Variants in FAM135B observed in about 807,000 individuals in gnomAD.
FAM135B encodes the protein family with sequence similarity 135 member B.
In FAM135B, 43 loss-of-function variants were observed where a neutral mutation model predicts 127.7. The observed-to-expected ratio is 0.34, with a 90% CI of 0.26 to 0.43. The LOEUF (loss-of-function observed/expected upper bound fraction) is 0.43, where lower values mean the gene tolerates loss of function less well. FAM135B is among the 20% of genes least tolerant of loss of function. The pLI is 1.00. For synonymous variants in FAM135B, 670 were observed against 665.1 expected (o/e 1.01, Z -0.11); for missense variants, 1,558 against 1,725.6 (o/e 0.90, Z 1.72).
intron 9 of FAM135B, 86 bp from the exon 10 acceptor site, chr8:138,178,776 T>C: frequency 1.6e-6 from 2 of 1,227,260 alleles, no homozygotes. Flanking sequence ...TACTGACTTT[T>C]CTGTTTTCAA....
intron 2 of FAM135B, among the ~76,000 whole-genome samples, chr8:138,327,472 G>C (rs1827872783): frequency 6.6e-6 from 1 of 152,144 alleles, no homozygotes; most frequent in African/African-American, 2.4e-5. Flanking sequence ...ATACATAATG[G>C]CTACCCACTG....
At chr8:138,408,729 A>G (rs568273492) in intron 1 of FAM135B, among the ~76,000 whole-genome samples, 33 of 152,246 alleles carry the variant, frequency 2.2e-4, no homozygotes, top group South Asian at 2.1e-3. Flanking sequence ...GGGAACTGCC[A>G]CTTTTAAACC....
intron 1 of FAM135B, among the ~76,000 whole-genome samples, chr8:138,426,934 C>G (rs968427265): frequency 1.3e-5 from 2 of 151,950 alleles, no homozygotes; most frequent in Admixed American, 1.3e-4. Flanking sequence ...ATGAAGTTTT[C>G]TGAACCTTGA....
At chr8:138,177,106 T>C (rs1394392716) in intron 11 of FAM135B, among the ~76,000 whole-genome samples, 1 of 152,164 alleles carries the variant, frequency 6.6e-6, no homozygotes, top group East Asian at 1.9e-4. Context: ...CTTGATTCTG[T>C]CTACAAAACC....
At chr8:138,317,571 A>G (rs915485826) in intron 2 of FAM135B, among the ~76,000 whole-genome samples, 2 of 152,232 alleles carry the variant, frequency 1.3e-5, no homozygotes, top group African/African-American at 4.8e-5. Context: ...TGATTCTACA[A>G]CTAACTCAAA....
At position 138,409,616 on chromosome 8, in the gene FAM135B, C is replaced by T. The variant is rs541322000; in HGVS notation, c.-19-41614G>A. 9.2e-5 allele frequency among the ~76,000 whole-genome samples: 14 copies of T among 152,198 alleles called. No individual in the cohort carries two copies. In the South Asian group the frequency reaches 2.3e-3, roughly 25 times the overall value. On this transcript the variant is annotated intron_variant, in intron 1 of 19. Coordinates refer to ENST00000395297, the MANE Select transcript of FAM135B (RefSeq NM_015912.4). ...GCAGACTGGGCATGTTGGCTCATGC[C>T]TGTAATCCCAGCACTTTGGGAGGCC...
intron 1 of FAM135B, among the ~76,000 whole-genome samples, chr8:138,397,847 CTT>C: frequency 6.6e-6 from 1 of 152,142 alleles, no homozygotes; most frequent in Admixed American, 6.5e-5. Context: ...CCATCCCTTC[CTT>C]GCCCAGGGCA....
chr8:138,178,919 A>G (rs1563734835), intron 9 of FAM135B, among the ~76,000 whole-genome samples: 1 of 152,174 alleles, frequency 6.6e-6, no homozygotes, highest in Non-Finnish European at 1.5e-5. Flanking sequence ...GGTAGTTCCT[A>G]TCTATAGAAA....
chr8:138,350,228 C>T (rs1376513509), intron 2 of FAM135B, among the ~76,000 whole-genome samples: 2 of 152,164 alleles, frequency 1.3e-5, no homozygotes, highest in Admixed American at 1.3e-4. Context: ...GAATATGTTA[C>T]ATGAAGTGCT....
intron 2 of FAM135B, among the ~76,000 whole-genome samples, chr8:138,339,575 C>T (rs1387332152): frequency 6.6e-6 from 1 of 151,996 alleles, no homozygotes; most frequent in Admixed American, 6.6e-5. Flanking sequence ...ATTGGGGAGG[C>T]TAGAAAACTG....
At chr8:138,324,788 G>A (rs1827688366) in intron 2 of FAM135B, among the ~76,000 whole-genome samples, 1 of 152,180 alleles carries the variant, frequency 6.6e-6, no homozygotes. Flanking sequence ...AATCTGATTT[G>A]TGAGTGTGTG....
intron 1 of FAM135B, among the ~76,000 whole-genome samples, chr8:138,385,079 C>T (rs1468998597): frequency 6.6e-6 from 1 of 152,166 alleles, no homozygotes; most frequent in Admixed American, 6.5e-5. Context: ...CTTACTGCTC[C>T]TCACTCCGTT....
intron 3 of FAM135B, among the ~76,000 whole-genome samples, chr8:138,271,994 T>G (rs1326940132): frequency 6.6e-6 from 1 of 151,826 alleles, no homozygotes; most frequent in Non-Finnish European, 1.5e-5. Context: ...CAATGATGAC[T>G]CCAAATGTTT....
chr8:138,169,392 C>G (rs1352057925), intron 11 of FAM135B, among the ~76,000 whole-genome samples: 1 of 141,094 alleles, frequency 7.1e-6, no homozygotes, highest in Non-Finnish European at 1.5e-5. Flanking sequence ...ATGTTCTTCT[C>G]TGAATATTTA....
intron 13 of FAM135B, among the ~76,000 whole-genome samples, chr8:138,150,472 A>G (rs1438096751): frequency 1.3e-5 from 2 of 152,188 alleles, no homozygotes; most frequent in Non-Finnish European, 2.9e-5. Flanking sequence ...GATCGAGACC[A>G]TCCTAGCCAA....
Position 138,152,720 on chromosome 8 carries a change from A to G in FAM135B, c.1755T>C (p.Tyr585=), listed in dbSNP as rs761094210. ...QHESRSSRDK[Y]GLDRTGLSKV... ...TGCTTAGCCCAGTCCTGTCTAATCCATACTTATCTCTAGAGCTCCTACTCT... is the reference window on the plus strand; with the variant it reads ...TGCTTAGCCCAGTCCTGTCTAATCCGTACTTATCTCTAGAGCTCCTACTCT... Residue 585 remains tyrosine, a synonymous_variant, in exon 13 of 20, where the codon TAT becomes TAC. Transcript: ENST00000395297. The G allele has an allele frequency of 7.6e-5, 123 of 1,614,136 alleles. No homozygotes were observed. Among genetic ancestry groups the G allele is most frequent in the Non-Finnish European group, 9.7e-5 (114 of 1,180,022 alleles).
At position 138,250,968 on chromosome 8, in the gene FAM135B, C is replaced by A. The variant is rs2130488036; in HGVS notation, c.415G>T (p.Gly139Cys). 1 of 1,613,986 alleles carries A rather than the reference C, an allele frequency of 6.2e-7. No homozygotes were observed. ...GAPMVSSRTL[G>C]LHFHPRNGLH... is the part of the protein sequence containing the mutation. ...CCATTCCGGGGGTGGAAGTGCAGGC[C>A]AAGCGTTCGGCTGCTGACCATCGGT... The change falls in exon 6 of 20, where the codon GGC becomes TGC. Residue 139 changes from glycine to cysteine, a missense_variant. Physicochemically the swap from Gly to Cys is radical, Grantham distance 159. Coordinates refer to ENST00000395297, the MANE Select transcript of FAM135B (RefSeq NM_015912.4).
intron 1 of FAM135B, among the ~76,000 whole-genome samples, chr8:138,472,970 A>T (rs1368597665): frequency 2.6e-5 from 4 of 152,216 alleles, no homozygotes; most frequent in African/African-American, 9.6e-5. Context: ...CTGCACATCC[A>T]TGATAGGGCA....
chr8:138,312,719 G>C (rs990126174), intron 2 of FAM135B, among the ~76,000 whole-genome samples: 2 of 152,116 alleles, frequency 1.3e-5, no homozygotes, highest in Non-Finnish European at 2.9e-5. Flanking sequence ...GCCATCCCCA[G>C]ACTGCATGAA....
Sources: allele counts gnomAD v4.1 joint callset (sites outside exome capture counted in the v4.1 genomes callset), GRCh38; gene constraint gnomAD v4.1.1; transcripts MANE v1.5; gene names NCBI Gene and HGNC (gene_info 2026-07-23, HGNC 2026-07-21).